The following ENDOD1 variants were observed in gnomAD, a reference collection of about 807,000 sequenced individuals.
ENDOD1 encodes endonuclease domain containing 1, also known as endonuclease domain-containing 1 protein.
Under a neutral mutation model 6.5 loss-of-function variants are expected in ENDOD1, and 9 were observed. That is an observed-to-expected ratio of 1.39 (90% confidence interval 0.84 to 2.43). ENDOD1 has a LOEUF of 2.43. ENDOD1 is among the 30% of genes most tolerant of loss of function. The pLI is 0.00. For missense variants in ENDOD1, 648 were observed against 635.5 expected (o/e 1.02, Z -0.21); for synonymous variants, 255 against 255.2 (o/e 1.00, Z 0.01).
chr11:95,114,765 G>A (rs1195963474), intron 1 of ENDOD1, among the ~76,000 whole-genome samples: 1 of 152,148 alleles, frequency 6.6e-6, no homozygotes, highest in Non-Finnish European at 1.5e-5. Context: ...TTTCCCCAGT[G>A]TATGTTCTTG....
intron 1 of ENDOD1, among the ~76,000 whole-genome samples, chr11:95,107,720 G>A (rs1859103657): frequency 6.6e-6 from 1 of 152,004 alleles, no homozygotes; most frequent in African/African-American, 2.4e-5. Context: ...GAGTGCAGTG[G>A]CGCGATCTCG....
At chr11:95,108,618 T>C in intron 1 of ENDOD1, among the ~76,000 whole-genome samples, 1 of 152,126 alleles carries the variant, frequency 6.6e-6, no homozygotes, top group East Asian at 1.9e-4. Flanking sequence ...GTATTTTAGA[T>C]GCCAAGCACG....
intron 1 of ENDOD1, among the ~76,000 whole-genome samples, chr11:95,124,375 A>C (rs1016810106): frequency 1.3e-5 from 2 of 152,224 alleles, no homozygotes; most frequent in African/African-American, 4.8e-5. Flanking sequence ...TCTCCAATCC[A>C]TCTCCCCATC....
intron 1 of ENDOD1, 32 bp from the exon 2 acceptor site, chr11:95,128,345 G>T: frequency 2.5e-6 from 4 of 1,591,162 alleles, no homozygotes; most frequent in African/African-American, 2.7e-5. Flanking sequence ...TGTAAGCAGG[G>T]ATGCATCTCA....
In ENDOD1 at chr11:95,130,507, G is replaced by C. The variant is rs1406572352; in HGVS notation, c.*928G>C. 6.6e-6 allele frequency: 1 copy of C among 152,004 alleles called. No individual in the cohort carries two copies. Among genetic ancestry groups the C allele is most frequent in the Admixed American group, 6.6e-5 (1 of 15,264 alleles). The allele number at this position is 152,004 out of a possible 1,614,324, so 9.4% of individuals were successfully genotyped here. On this transcript the variant is annotated 3_prime_UTR_variant, in exon 2 of 2. Transcript: ENST00000278505. ...TTGAACTGAAAGATCTATATGTTAAGCTAACATGAAAATTCATATTCTGCA... is the reference window on the plus strand; with the variant it reads ...TTGAACTGAAAGATCTATATGTTAACCTAACATGAAAATTCATATTCTGCA...
chr11:95,128,053 C>T (rs12788593), intron 1 of ENDOD1, among the ~76,000 whole-genome samples: 3,051 of 152,308 alleles, frequency 0.02, 46 homozygotes, highest in Non-Finnish European at 0.028. Flanking sequence ...AGCCACCGCA[C>T]CTGGCCCCAG....
chr11:95,090,318 CG>C (rs1858916962), intron 1 of ENDOD1, 91 bp downstream of exon 1: 6 of 1,339,012 alleles, frequency 4.5e-6, no homozygotes, highest in Non-Finnish European at 3.8e-6. Flanking sequence ...AGGGGCGGGC[CG>C]GGAACAGCAA....
At chr11:95,125,146 A>G (rs911420905) in intron 1 of ENDOD1, among the ~76,000 whole-genome samples, 7 of 151,826 alleles carry the variant, frequency 4.6e-5, no homozygotes, top group Non-Finnish European at 1.0e-4. Flanking sequence ...GGCTAGAGAC[A>G]CTCCAGCATG....
At chr11:95,110,420 A>G (rs1193685161) in intron 1 of ENDOD1, among the ~76,000 whole-genome samples, 1 of 152,218 alleles carries the variant, frequency 6.6e-6, no homozygotes, top group African/African-American at 2.4e-5. Context: ...AGTCTCTATT[A>G]TGACTTAGGC....
At chr11:95,106,076 G>A (rs1555111373) in intron 1 of ENDOD1, among the ~76,000 whole-genome samples, 1 of 152,204 alleles carries the variant, frequency 6.6e-6, no homozygotes, top group African/African-American at 2.4e-5. Flanking sequence ...GATGGCTCCA[G>A]TCAGAAGCCA....
chr11:95,096,093 G>A (rs575140532), intron 1 of ENDOD1, among the ~76,000 whole-genome samples: 8 of 152,164 alleles, frequency 5.3e-5, no homozygotes, highest in African/African-American at 1.9e-4. Flanking sequence ...TATTCTTTGG[G>A]CATAAAATTT....
rs1263119628 is a variant in ENDOD1 at position 95,131,533 on chromosome 11, A to C, written c.*1954A>C. 1.3e-5 allele frequency: 2 copies of C among 152,204 alleles called. No homozygotes were observed. Among genetic ancestry groups the C allele is most frequent in the South Asian group, 2.1e-4 (1 of 4,832 alleles). 9.4% of individuals were successfully genotyped at this position (152,204 alleles called of 1,614,324 possible). ...TTGCACATGTCCCATCACACCTGAG[A>C]TGTCAGACATGGGAAGTTCGTGCTA... On this transcript the variant is annotated 3_prime_UTR_variant, in exon 2 of 2. Coordinates refer to ENST00000278505, the MANE Select transcript of ENDOD1 (RefSeq NM_015036.3).
At chr11:95,114,906 A>G (rs1247955498) in intron 1 of ENDOD1, among the ~76,000 whole-genome samples, 3 of 152,202 alleles carry the variant, frequency 2.0e-5, no homozygotes, top group African/African-American at 7.2e-5. Context: ...GCTCTGTAGT[A>G]TAATTTGAAG....
intron 1 of ENDOD1, among the ~76,000 whole-genome samples, chr11:95,102,139 T>G (rs1457403842): frequency 1.1e-4 from 17 of 152,096 alleles, no homozygotes; most frequent in Non-Finnish European, 1.5e-5. Context: ...ACAAGGCCAG[T>G]AAGCAGCAGA....
chr11:95,128,734 T>C lies in ENDOD1; in HGVS notation c.658T>C (p.Trp220Arg), dbSNP rs200076667. 665 of 1,614,086 alleles carry C rather than the reference T, an allele frequency of 4.1e-4. 1 individual carries two copies. The highest frequency in any genetic ancestry group is 5.5e-4 in the Non-Finnish European group (647 of 1,180,028). ...CAAAGTGGCAGTCCCTGAGTTTGTT[T>C]GGCTGGCAGCCTGTTGTGCTGTCCC... ...KDKVAVPEFV[W>R]LAACCAVPGG... Residue 220 changes from tryptophan (W) to arginine (R), a missense_variant, in exon 2 of 2, where the codon TGG (tryptophan) becomes CGG (arginine). By Grantham distance (101) the Trp-to-Arg change is moderately radical (BLOSUM62 -3). Transcript: ENST00000278505.
intron 1 of ENDOD1, among the ~76,000 whole-genome samples, chr11:95,100,865 G>GTTTTTTTTTTTT (rs34680715): frequency 1.4e-4 from 10 of 72,278 alleles, no homozygotes; most frequent in East Asian, 4.8e-4. Context: ...CCTGCTGGGT[G>GTTTTTTTTTTTT]TTTTTTTTTT....
At chr11:95,128,244 C>A in intron 1 of ENDOD1, 133 bp from the exon 2 acceptor site, 1 of 1,036,160 alleles carries the variant, frequency 9.7e-7, no homozygotes, top group Non-Finnish European at 1.4e-6. Flanking sequence ...GCCAGAGAAC[C>A]AAGTCCTTCC....
intron 1 of ENDOD1, among the ~76,000 whole-genome samples, chr11:95,125,572 T>A (rs150733582): frequency 0.033 from 5,032 of 151,574 alleles, 232 homozygotes; most frequent in African/African-American, 0.1. Flanking sequence ...TAGGTATATC[T>A]CCTAATGCTA....
At chr11:95,110,999 A>T (rs1223447899) in intron 1 of ENDOD1, among the ~76,000 whole-genome samples, 2 of 152,202 alleles carry the variant, frequency 1.3e-5, no homozygotes, top group East Asian at 3.8e-4. Context: ...AAGTTGAGAA[A>T]AGAGTGCTTG....
Sources: allele counts gnomAD v4.1 joint callset (sites outside exome capture counted in the v4.1 genomes callset), GRCh38; gene constraint gnomAD v4.1.1; transcripts MANE v1.5; gene names NCBI Gene and HGNC (gene_info 2026-07-23, HGNC 2026-07-21).